MACROD2: variants seen among roughly 807,000 people sequenced by gnomAD.
MACROD2 encodes mono-ADP ribosylhydrolase 2, also known as ADP-ribose glycohydrolase MACROD2.
In MACROD2, 36 loss-of-function variants were observed where a neutral mutation model predicts 70.4. The ratio of observed to expected loss-of-function variants is 0.51; its 90% CI spans 0.39 to 0.68. The LOEUF is 0.68. Among genes scored for constraint, MACROD2 ranks in the 30% least tolerant of loss-of-function variants. The probability of loss-of-function intolerance (pLI) is 0.00; values close to 1 mark genes in which losing one functional copy is unlikely to be tolerated. For missense variants in MACROD2, 496 were observed against 538.4 expected (o/e 0.92, Z 0.78); for synonymous variants, 172 against 178.8 (o/e 0.96, Z 0.30).
chr20:14,612,620 T>G (rs928420500), intron 4 of MACROD2, among the ~76,000 whole-genome samples: 1 of 152,042 alleles, frequency 6.6e-6, no homozygotes, highest in Admixed American at 6.6e-5. Flanking sequence ...TCAACTCAAC[T>G]CTTGCATAGT....
At chr20:15,460,998 A>AT (rs1273367857) in intron 7 of MACROD2, among the ~76,000 whole-genome samples, 18 of 76,508 alleles carry the variant, frequency 2.4e-4, no homozygotes, top group African/African-American at 8.6e-4. Context: ...ATATATATAT[A>AT]TATATATATT....
intron 13 of MACROD2, among the ~76,000 whole-genome samples, chr20:15,984,115 CTT>C (rs57840126): frequency 4.6e-5 from 7 of 151,092 alleles, no homozygotes; most frequent in East Asian, 3.9e-4. Flanking sequence ...ATTTTATAGA[CTT>C]TTTTTAACTT....
At position 15,233,983 on chromosome 20, in the gene MACROD2, T is replaced by TATATATA. The variant is rs2076984620; in HGVS notation, c.540+3922_540+3923insATATATA. 1.5e-3 allele frequency among the ~76,000 whole-genome samples: 64 copies of TATATATA among 43,988 alleles called. 2 individuals carry two copies. The highest frequency in any genetic ancestry group is 3.9e-3 in the African/African-American group (43 of 11,066). 28.9% of individuals were successfully genotyped at this position (43,988 alleles called of 152,430 possible). On this transcript the variant is annotated intron_variant, in intron 6 of 17. Coordinates refer to ENST00000684519, the MANE Select transcript of MACROD2 (RefSeq NM_001351661.2). ...AAAATTTATTTTTATATATATTTAT[T>TATATATA]TATATATATATATATATATATATAT...
At chr20:15,676,727 A>T (rs1423873793) in intron 8 of MACROD2, among the ~76,000 whole-genome samples, 1 of 152,196 alleles carries the variant, frequency 6.6e-6, no homozygotes, top group Admixed American at 6.5e-5. Flanking sequence ...TTCAATGGAC[A>T]TGTTTTGGCT....
At chr20:14,420,534 A>G (rs57967880) in intron 3 of MACROD2, among the ~76,000 whole-genome samples, 2,678 of 152,176 alleles carry the variant, frequency 0.018, 71 homozygotes, top group African/African-American at 0.06. Context: ...AAAAATGTCT[A>G]TTCAAATCCT....
At chr20:15,468,149 G>C (rs572455592) in intron 7 of MACROD2, among the ~76,000 whole-genome samples, 2 of 152,042 alleles carry the variant, frequency 1.3e-5, no homozygotes, top group African/African-American at 4.8e-5. Flanking sequence ...ATTTGAATAA[G>C]GACTAATGGC....
chr20:15,488,592 G>A (rs975126163), intron 7 of MACROD2, among the ~76,000 whole-genome samples: 9 of 152,200 alleles, frequency 5.9e-5, no homozygotes, highest in Non-Finnish European at 1.3e-4. Flanking sequence ...CCACTGGGGG[G>A]CTCCTAGCGT....
intron 5 of MACROD2, among the ~76,000 whole-genome samples, chr20:14,961,370 G>A (rs769247248): frequency 2.0e-5 from 3 of 152,116 alleles, no homozygotes; most frequent in Admixed American, 6.5e-5. Context: ...TATATTCTGT[G>A]AATTTAGGCA....
At chr20:15,800,082 C>T (rs1238942979) in intron 8 of MACROD2, among the ~76,000 whole-genome samples, 1 of 152,050 alleles carries the variant, frequency 6.6e-6, no homozygotes, top group Non-Finnish European at 1.5e-5. Flanking sequence ...ATTTGTATGT[C>T]TTCTTTTGAG....
chr20:15,544,291 A>C (rs2047998710), intron 8 of MACROD2, among the ~76,000 whole-genome samples: 1 of 152,250 alleles, frequency 6.6e-6, no homozygotes, highest in East Asian at 1.9e-4. Flanking sequence ...TGATTCTTGT[A>C]TAGCTACAGA....
intron 10 of MACROD2, among the ~76,000 whole-genome samples, chr20:15,921,799 G>T (rs2065411807): frequency 6.6e-6 from 1 of 152,256 alleles, no homozygotes; most frequent in African/African-American, 2.4e-5. Context: ...GGAAGGGCCA[G>T]TAGAGAAGCG....
chr20:15,606,879 T>G (rs1023371805), intron 8 of MACROD2, among the ~76,000 whole-genome samples: 1 of 151,846 alleles, frequency 6.6e-6, no homozygotes, highest in Non-Finnish European at 1.5e-5. Context: ...GCGCATGCCT[T>G]TAATCCCAGC....
intron 8 of MACROD2, among the ~76,000 whole-genome samples, chr20:15,598,512 C>A (rs2048775653): frequency 6.6e-6 from 1 of 152,176 alleles, no homozygotes; most frequent in Non-Finnish European, 1.5e-5. Flanking sequence ...TCTGATCTTG[C>A]CAGTCTGGTA....
intron 7 of MACROD2, among the ~76,000 whole-genome samples, chr20:15,453,995 C>T (rs2046680804): frequency 6.6e-6 from 1 of 152,020 alleles, no homozygotes; most frequent in South Asian, 2.1e-4. Flanking sequence ...CCACGCAATC[C>T]GAGCTTTATG....
chr20:14,661,107 G>T (rs566685253), intron 4 of MACROD2, among the ~76,000 whole-genome samples: 1 of 152,072 alleles, frequency 6.6e-6, no homozygotes, highest in Non-Finnish European at 1.5e-5. Context: ...TCTGTTTCTA[G>T]TTCTTTGAGA....
intron 8 of MACROD2, among the ~76,000 whole-genome samples, chr20:15,594,841 A>G (rs1337777752): frequency 1.3e-5 from 2 of 152,174 alleles, no homozygotes; most frequent in Non-Finnish European, 2.9e-5. Flanking sequence ...TTAATTCACC[A>G]AGAGTTCACC....
At chr20:14,948,870 A>C (rs955532722) in intron 5 of MACROD2, among the ~76,000 whole-genome samples, 2 of 152,188 alleles carry the variant, frequency 1.3e-5, no homozygotes, top group Admixed American at 6.5e-5. Flanking sequence ...AATCATGCCA[A>C]TGGAGCATCC....
chr20:14,325,461 C>G, intron 3 of MACROD2: 3 of 1,315,658 alleles, frequency 2.3e-6, no homozygotes, highest in Non-Finnish European at 3.1e-6. Context: ...TTTTCAGTCT[C>G]TTTTTCCAGT....
chr20:15,667,398 C>A (rs147851728), intron 8 of MACROD2, among the ~76,000 whole-genome samples: 8 of 152,266 alleles, frequency 5.3e-5, no homozygotes, highest in African/African-American at 1.7e-4. Context: ...AATTAAACCC[C>A]TTCTCTTTAG....
Sources: allele counts gnomAD v4.1 joint callset (sites outside exome capture counted in the v4.1 genomes callset), GRCh38; gene constraint gnomAD v4.1.1; transcripts MANE v1.5; gene names NCBI Gene and HGNC (gene_info 2026-07-23, HGNC 2026-07-21).